Variants in TTC28 observed in about 807,000 individuals in gnomAD.
The protein encoded by TTC28 is tetratricopeptide repeat protein 28.
TTC28 carries 61 observed loss-of-function variants against 198.0 expected under a neutral mutation model. The ratio of observed to expected loss-of-function variants is 0.31; its 90% CI spans 0.25 to 0.38. The LOEUF is 0.38. TTC28 is among the 10% of genes least tolerant of loss of function. TTC28 has a pLI of 1.00. For synonymous variants in TTC28, 1,171 were observed against 1,297.8 expected (o/e 0.90, Z 2.10); for missense variants, 2,678 against 3,164.0 (o/e 0.85, Z 3.69).
chr22:28,674,309 T>G (rs73881118), intron 1 of TTC28, among the ~76,000 whole-genome samples: 1,795 of 150,622 alleles, frequency 0.012, 37 homozygotes, highest in African/African-American at 0.042. Flanking sequence ...GGAGTTTTTG[T>G]TTTTCTTGGT....
intron 5 of TTC28, among the ~76,000 whole-genome samples, chr22:28,203,804 T>C (rs1463491783): frequency 6.6e-6 from 1 of 152,118 alleles, no homozygotes; most frequent in African/African-American, 2.4e-5. Flanking sequence ...AATGCTAAAC[T>C]CAGGCTCAGG....
intron 2 of TTC28, among the ~76,000 whole-genome samples, chr22:28,378,079 C>T (rs971886225): frequency 6.6e-6 from 1 of 152,260 alleles, no homozygotes; most frequent in Admixed American, 6.5e-5. Context: ...AGGTGGCTCA[C>T]GCCTATAATC....
At chr22:28,062,474 C>T (rs1443904408) in intron 12 of TTC28, among the ~76,000 whole-genome samples, 2 of 94,408 alleles carry the variant, frequency 2.1e-5, no homozygotes, top group Admixed American at 1.1e-4. Flanking sequence ...TTTATTTTGG[C>T]TTTTTATTTT....
intron 1 of TTC28, among the ~76,000 whole-genome samples, chr22:28,632,889 A>G (rs2146213296): frequency 6.6e-6 from 1 of 151,900 alleles, no homozygotes; most frequent in Non-Finnish European, 1.5e-5. Context: ...ATACTGGGAG[A>G]CTAAGATGGG....
At chr22:28,130,168 T>G (rs1014631042) in intron 6 of TTC28, among the ~76,000 whole-genome samples, 3 of 152,184 alleles carry the variant, frequency 2.0e-5, no homozygotes, top group African/African-American at 7.2e-5. Flanking sequence ...TCCTTTTACA[T>G]TATAGTCTTT....
intron 12 of TTC28, among the ~76,000 whole-genome samples, chr22:28,050,803 C>T (rs1263717814): frequency 6.6e-6 from 1 of 152,122 alleles, no homozygotes; most frequent in East Asian, 1.9e-4. Context: ...TACAGCTAGA[C>T]CTCCACATAA....
At chr22:28,501,174 G>A (rs2048533307) in intron 2 of TTC28, among the ~76,000 whole-genome samples, 2 of 152,086 alleles carry the variant, frequency 1.3e-5, no homozygotes, top group Non-Finnish European at 2.9e-5. Context: ...TGTTCTCAAA[G>A]AATTCACAAT....
chr22:27,998,517 C>G, intron 16 of TTC28, 23 bp downstream of exon 16: 1 of 1,537,242 alleles, frequency 6.5e-7, no homozygotes, highest in South Asian at 1.2e-5. Flanking sequence ...TTGACAGGCA[C>G]CCGCAGCCAG....
intron 5 of TTC28, among the ~76,000 whole-genome samples, chr22:28,229,599 T>A (rs1400984558): frequency 6.6e-6 from 1 of 152,086 alleles, no homozygotes; most frequent in Non-Finnish European, 1.5e-5. Flanking sequence ...TCAAGGGAGG[T>A]CCTCAAAACA....
rs1255779977 is a variant in TTC28, at chr22:28,061,702, C to T, written c.3933-31336G>A. On this transcript the variant is annotated intron_variant, in intron 12 of 22. Transcript: ENST00000397906. ...CTTAGGATTGTCTTGGCAATGCAGG[C>T]TCTTCTTTGGTTCCATATGAACTTT... is the stretch of plus-strand genomic sequence containing the variant. Among the ~76,000 whole-genome samples the T allele has an allele frequency of 3.9e-5, 6 of 152,304 alleles. No homozygotes were observed. The East Asian group carries it at 5.8e-4, about 15-fold the overall frequency.
Position 28,337,308 on chromosome 22 carries a change from T to C in TTC28, c.382-30665A>G, listed in dbSNP as rs949007171. Reference sequence around the variant, plus strand: ...GTGTGGTGTGGTGCTGAAAAGAATGTATATTCTGTTGATTTGGGGTGGAGA... The same window carrying C: ...GTGTGGTGTGGTGCTGAAAAGAATGCATATTCTGTTGATTTGGGGTGGAGA... On this transcript the variant is annotated intron_variant, in intron 2 of 22. Transcript: ENST00000397906. Among the ~76,000 whole-genome samples, 138 of 152,338 alleles carry C rather than the reference T, an allele frequency of 9.1e-4. 2 individuals carry two copies. The highest frequency in any genetic ancestry group is 3.0e-3 in the African/African-American group (126 of 41,570).
chr22:28,533,449 C>T (rs542376262), intron 2 of TTC28, among the ~76,000 whole-genome samples: 3 of 152,076 alleles, frequency 2.0e-5, no homozygotes, highest in East Asian at 1.9e-4. Context: ...CTCATGGATA[C>T]GAAGAATCAA....
chr22:28,350,396 T>C (rs1289072381), intron 2 of TTC28, among the ~76,000 whole-genome samples: 3 of 152,200 alleles, frequency 2.0e-5, no homozygotes, highest in Non-Finnish European at 4.4e-5. Context: ...GAATTAGTTA[T>C]TCATCAAAAA....
At chr22:28,390,526 C>T (rs577115266) in intron 2 of TTC28, among the ~76,000 whole-genome samples, 1 of 152,172 alleles carries the variant, frequency 6.6e-6, no homozygotes, top group Non-Finnish European at 1.5e-5. Flanking sequence ...TCTGGGTGCT[C>T]CTGTATTGGG....
At chr22:28,673,693 C>G (rs2051927350) in intron 1 of TTC28, among the ~76,000 whole-genome samples, 1 of 152,062 alleles carries the variant, frequency 6.6e-6, no homozygotes, top group African/African-American at 2.4e-5. Flanking sequence ...TAAAACATGC[C>G]TATAGAAAAC....
At chr22:28,677,384 C>T (rs2346870) in intron 1 of TTC28, among the ~76,000 whole-genome samples, 3 of 152,108 alleles carry the variant, frequency 2.0e-5, no homozygotes, top group East Asian at 1.9e-4. Flanking sequence ...CAGTGGCTCA[C>T]GCCTGTAATT....
intron 1 of TTC28, among the ~76,000 whole-genome samples, chr22:28,633,757 T>C (rs940998845): frequency 6.6e-6 from 1 of 152,182 alleles, no homozygotes; most frequent in African/African-American, 2.4e-5. Flanking sequence ...TTTCCCAAAA[T>C]ATATTCTAAG....
chr22:27,992,830 T>C, intron 18 of TTC28, 167 bp from the exon 19 acceptor site: 1 of 690,414 alleles, frequency 1.4e-6, no homozygotes. Flanking sequence ...AAGGACAGCG[T>C]GGTCTCCCAG....
At chr22:28,404,604 C>A (rs1444815424) in intron 2 of TTC28, among the ~76,000 whole-genome samples, 1 of 152,146 alleles carries the variant, frequency 6.6e-6, no homozygotes, top group Non-Finnish European at 1.5e-5. Context: ...AGTTTCTTCC[C>A]TCTCTCTATC....
Sources: allele counts gnomAD v4.1 joint callset (sites outside exome capture counted in the v4.1 genomes callset), GRCh38; gene constraint gnomAD v4.1.1; transcripts MANE v1.5; gene names NCBI Gene and HGNC (gene_info 2026-07-23, HGNC 2026-07-21).